The following EIF3H variants were observed in gnomAD, a reference collection of about 807,000 sequenced individuals.
The protein encoded by EIF3H is eIF-3-gamma.
Under a neutral mutation model 44.2 loss-of-function variants are expected in EIF3H, and 26 were observed. That is an observed-to-expected ratio of 0.59 (90% CI 0.43 to 0.82). The LOEUF (loss-of-function observed/expected upper bound fraction) is 0.82, where lower values mean the gene tolerates loss of function less well. EIF3H is among the 40% of genes least tolerant of loss of function. The pLI, the probability that EIF3H is intolerant of heterozygous loss-of-function variation, is 0.00. For missense variants in EIF3H, 359 were observed against 432.8 expected (o/e 0.83, Z 1.51); for synonymous variants, 166 against 151.9 (o/e 1.09, Z -0.68).
rs1378554627 is a variant in EIF3H at position 116,642,273 on chromosome 8, A to T, written c.*2733T>A. The stretch of plus-strand genomic sequence containing the variant: ...TGATACAAGTTTTCTAAAGGATGTT[A>T]AAAAACTATAGTATGAAGAATGTAA... On this transcript the variant is annotated 3_prime_UTR_variant, in exon 8 of 8. Transcript: ENST00000521861. 6.6e-6 allele frequency: 1 copy of T among 152,178 alleles called. No homozygotes were observed. Among genetic ancestry groups the T allele is most frequent in the Non-Finnish European group, 1.5e-5 (1 of 68,028 alleles). The allele number at this position is 152,178 out of a possible 1,614,324, so 9.4% of individuals were successfully genotyped here.
At chr8:116,654,274 G>T (rs1390422776) in intron 5 of EIF3H, among the ~76,000 whole-genome samples, 1 of 152,128 alleles carries the variant, frequency 6.6e-6, no homozygotes, top group Non-Finnish European at 1.5e-5. Flanking sequence ...ATTTGTCTAG[G>T]TCTCAGTTGC....
intron 2 of EIF3H, among the ~76,000 whole-genome samples, chr8:116,672,944 T>C (rs971959008): frequency 6.6e-6 from 1 of 150,536 alleles, no homozygotes; most frequent in African/African-American, 2.4e-5. Flanking sequence ...TGAAATCCAC[T>C]GAGTCCAAGT....
intron 2 of EIF3H, among the ~76,000 whole-genome samples, chr8:116,671,757 A>G (rs1008292044): frequency 6.6e-6 from 1 of 152,208 alleles, no homozygotes; most frequent in Non-Finnish European, 1.5e-5. Flanking sequence ...ATATCTGGGT[A>G]ATCCCACAGA....
intron 5 of EIF3H, among the ~76,000 whole-genome samples, chr8:116,651,098 T>C (rs1813383670): frequency 1.3e-5 from 2 of 152,190 alleles, no homozygotes; most frequent in African/African-American, 2.4e-5. Flanking sequence ...ACATTGTGAA[T>C]ATACTAAAAA....
chr8:116,659,022 A>T, intron 2 of EIF3H, 42 bp from the exon 3 acceptor site: 1 of 1,546,840 alleles, frequency 6.5e-7, no homozygotes, highest in Non-Finnish European at 8.7e-7. Context: ...AAAACTTTTT[A>T]ATGATGTTAC....
At chr8:116,712,332 T>C (rs1029801176) in intron 2 of EIF3H, among the ~76,000 whole-genome samples, 5 of 152,110 alleles carry the variant, frequency 3.3e-5, no homozygotes, top group African/African-American at 4.8e-5. Flanking sequence ...ACTAGAATAA[T>C]TGTATGGCCC....
rs1174209913 is a variant in EIF3H, at chr8:116,720,904, ATTCAGT to A, written c.289+5106_289+5111del. On this transcript the variant is annotated intron_variant, in intron 2 of 7. Transcript: ENST00000521861. ...AGGTGACTTGGGTGCTGTTAAAATC[ATTCAGT>A]TTTAAAAGGGAAACAGAGTATAAAA... Among the ~76,000 whole-genome samples, 26 of 152,280 alleles carry A rather than the reference ATTCAGT, an allele frequency of 1.7e-4. No individual in the cohort carries two copies. In the East Asian group the frequency reaches 4.1e-3, roughly 24 times the overall value.
intron 2 of EIF3H, among the ~76,000 whole-genome samples, chr8:116,710,723 T>C (rs1814559666): frequency 6.6e-6 from 1 of 152,198 alleles, no homozygotes; most frequent in South Asian, 2.1e-4. Context: ...CCTCCCTAAA[T>C]TGTGATGGAT....
At chr8:116,743,801 C>CAT (rs1815180629) in intron 1 of EIF3H, among the ~76,000 whole-genome samples, 3 of 63,296 alleles carry the variant, frequency 4.7e-5, no homozygotes, top group Non-Finnish European at 7.7e-5. Flanking sequence ...TATATATAAA[C>CAT]ACACACACAC....
chr8:116,660,272 A>T (rs1813564631), intron 2 of EIF3H, among the ~76,000 whole-genome samples: 1 of 152,204 alleles, frequency 6.6e-6, no homozygotes, highest in Non-Finnish European at 1.5e-5. Context: ...TCATTTTCAA[A>T]ATTCTTACTC....
rs1053174914 is a variant in EIF3H at position 116,642,214 on chromosome 8, T to C, written c.*2792A>G. ...CATAACATTCTGATACCACTACACC[T>C]GAGTTCGATGCCAGCATGGTTTGAA... is the stretch of plus-strand genomic sequence containing the variant. On this transcript the variant is annotated 3_prime_UTR_variant, in exon 8 of 8. Transcript: ENST00000521861. 1 of 152,256 alleles carries C rather than the reference T, an allele frequency of 6.6e-6. No individual in the cohort carries two copies. Among genetic ancestry groups the C allele is most frequent in the East Asian group, 1.9e-4 (1 of 5,190 alleles). 9.4% of individuals were successfully genotyped at this position (152,256 alleles called of 1,614,324 possible). A position where few individuals can be genotyped will look rare whatever the true frequency, so the allele number is the denominator to read the frequency against.
chr8:116,702,440 A>G (rs1814393222), intron 2 of EIF3H, among the ~76,000 whole-genome samples: 1 of 152,204 alleles, frequency 6.6e-6, no homozygotes, highest in African/African-American at 2.4e-5. Context: ...AGCCATAACC[A>G]CGTACTGCCT....
At chr8:116,761,415 G>A (rs572115999) in intron 1 of EIF3H, among the ~76,000 whole-genome samples, 3 of 152,314 alleles carry the variant, frequency 2.0e-5, no homozygotes, top group South Asian at 2.1e-4. Context: ...AGGAGGCTGA[G>A]GCAAGAGAAT....
rs558898027 is a variant in EIF3H at position 116,733,756 on chromosome 8, C to A, written c.133-7584G>T. Among the ~76,000 whole-genome samples the A allele has an allele frequency of 4.6e-5, 7 of 151,900 alleles. No homozygotes were observed. The South Asian group carries it at 1.0e-3, about 23-fold the overall frequency. ...TTTCTCTTAAAAATAACCTCTATTG[C>A]AAGCTTTGAAAAAAATTAAAAATAA... On this transcript the variant is annotated intron_variant, in intron 1 of 7. Transcript: ENST00000521861.
At chr8:116,749,389 G>A (rs562802092) in intron 1 of EIF3H, among the ~76,000 whole-genome samples, 79 of 152,266 alleles carry the variant, frequency 5.2e-4, no homozygotes, top group African/African-American at 1.8e-3. Context: ...CAGGAGAGGG[G>A]CCTGAGATTC....
intron 1 of EIF3H, among the ~76,000 whole-genome samples, chr8:116,740,580 A>G (rs1815112298): frequency 6.6e-6 from 1 of 152,176 alleles, no homozygotes; most frequent in Non-Finnish European, 1.5e-5. Context: ...GAGTAAGCCC[A>G]GATGAAACCC....
chr8:116,766,317 T>G (rs1180725245), upstream of EIF3H: 14 of 371,242 alleles, frequency 3.8e-5, no homozygotes, highest in Non-Finnish European at 5.8e-5. Context: ...GGCCCCAGAC[T>G]GCGCATGTGC....
Position 116,661,309 on chromosome 8 carries a change from TA to T in EIF3H, c.290-2330del, listed in dbSNP as rs373389430. On this transcript the variant is annotated intron_variant, in intron 2 of 7. Coordinates refer to ENST00000521861, the MANE Select transcript of EIF3H (RefSeq NM_003756.3). The stretch of plus-strand genomic sequence containing the variant: ...GCAACTGACAGAACGAGTAAGATTT[TA>T]AAAAACATTATTTTTAAATCAAAAC... Among the ~76,000 whole-genome samples, 15 of 152,314 alleles carry T rather than the reference TA, an allele frequency of 9.8e-5. No homozygotes were observed. In the East Asian group the frequency reaches 1.5e-3, roughly 16 times the overall value.
At chr8:116,747,128 T>C (rs920847632) in intron 1 of EIF3H, among the ~76,000 whole-genome samples, 3 of 151,822 alleles carry the variant, frequency 2.0e-5, no homozygotes, top group Non-Finnish European at 2.9e-5. Flanking sequence ...AGTGGTGTGA[T>C]CTCGGCTCAC....
Sources: gnomAD v4.1 joint callset for allele counts (sites outside exome capture counted in the v4.1 genomes callset) on GRCh38, gnomAD v4.1.1 for gene constraint, MANE v1.5 for transcripts, NCBI Gene and HGNC (gene_info 2026-07-23, HGNC 2026-07-21) for gene names.